Variants in ATP8A2 observed in about 807,000 individuals in gnomAD.
ATP8A2 encodes phospholipid-transporting ATPase IB.
In ATP8A2, 100 loss-of-function variants were observed where a neutral mutation model predicts 165.6. The ratio of observed to expected loss-of-function variants is 0.60; its 90% confidence interval spans 0.51 to 0.71. ATP8A2 has a LOEUF of 0.71. ATP8A2 is among the 30% of genes least tolerant of loss of function. ATP8A2 has a pLI of 0.00. For missense variants in ATP8A2, 1,227 were observed against 1,479.5 expected (o/e 0.83, Z 2.80); for synonymous variants, 543 against 548.8 (o/e 0.99, Z 0.15).
At chr13:25,766,693 T>C (rs770257872) in intron 25 of ATP8A2, among the ~76,000 whole-genome samples, 6 of 152,208 alleles carry the variant, frequency 3.9e-5, no homozygotes, top group Non-Finnish European at 8.8e-5. Context: ...CTGAGAGACA[T>C]TGCTGTATTT....
intron 27 of ATP8A2, among the ~76,000 whole-genome samples, chr13:25,811,244 A>G (rs959568909): frequency 6.6e-6 from 1 of 152,234 alleles, no homozygotes; most frequent in African/African-American, 2.4e-5. Context: ...AATACATAGC[A>G]ATATCAGTGA....
chr13:25,781,224 G>A (rs564373905), intron 27 of ATP8A2, among the ~76,000 whole-genome samples: 2 of 152,030 alleles, frequency 1.3e-5, no homozygotes, highest in Admixed American at 6.5e-5. Context: ...AGCCGAGATC[G>A]TGCCACTGCA....
intron 35 of ATP8A2, among the ~76,000 whole-genome samples, chr13:25,991,896 T>G (rs1238662516): frequency 1.4e-5 from 2 of 144,870 alleles, no homozygotes; most frequent in Non-Finnish European, 3.0e-5. Flanking sequence ...GATGCATATT[T>G]AGTTTTACTT....
chr13:25,396,959 G>A (rs1036834414), intron 1 of ATP8A2, among the ~76,000 whole-genome samples: 5 of 152,194 alleles, frequency 3.3e-5, no homozygotes, highest in Admixed American at 6.5e-5. Context: ...GGCCCATGGC[G>A]GACCAGTCCC....
rs57083418 is a variant in ATP8A2 at position 25,408,100 on chromosome 13, TAA to T, written c.76+35820_76+35821del. On this transcript the variant is annotated intron_variant, in intron 1 of 36. Coordinates refer to ENST00000381655, the MANE Select transcript of ATP8A2 (RefSeq NM_016529.6). ...AAAAAAATATATATATATTTGACAT[TAA>T]AAAAAAATGTGGCTGGGTGCAGTGG... is the stretch of plus-strand genomic sequence containing the variant. 3.5e-3 allele frequency among the ~76,000 whole-genome samples: 532 copies of T among 150,610 alleles called. 3 individuals are homozygous for T. The highest frequency in any genetic ancestry group is 0.012 in the African/African-American group (508 of 41,022).
intron 10 of ATP8A2, among the ~76,000 whole-genome samples, chr13:25,548,354 G>C (rs2038716789): frequency 6.6e-6 from 1 of 152,176 alleles, no homozygotes; most frequent in Admixed American, 6.5e-5. Flanking sequence ...GAAGCTTGAA[G>C]TTTTGGGATT....
chr13:25,576,397 T>C lies in ATP8A2; in HGVS notation c.1713-672T>C, dbSNP rs114217820. Among the ~76,000 whole-genome samples the C allele has an allele frequency of 2.9e-3, 443 of 152,192 alleles. 1 individual carries two copies. The highest frequency in any genetic ancestry group is 0.01 in the African/African-American group (428 of 41,534). ...GGAGAATGGTGAGTCCCGTGTGTGCTCGAAGCCTGGTGGTGGTTCATGGGA... is the reference window on the plus strand; with the variant it reads ...GGAGAATGGTGAGTCCCGTGTGTGCCCGAAGCCTGGTGGTGGTTCATGGGA... On this transcript the variant is annotated intron_variant, in intron 19 of 36. Transcript: ENST00000381655.
intron 33 of ATP8A2, among the ~76,000 whole-genome samples, chr13:25,942,569 C>T (rs900205714): frequency 2.0e-5 from 3 of 152,122 alleles, no homozygotes; most frequent in Non-Finnish European, 2.9e-5. Context: ...ATTACAGGTG[C>T]GTACCACCAC....
At chr13:25,868,283 A>T (rs1316656337) in intron 33 of ATP8A2, 1 of 344,426 alleles carries the variant, frequency 2.9e-6, no homozygotes, top group Non-Finnish European at 5.8e-6. Context: ...AACATTCCAG[A>T]AAACACTGAA....
At chr13:25,838,380 C>G (rs991010758) in intron 29 of ATP8A2, among the ~76,000 whole-genome samples, 9 of 152,180 alleles carry the variant, frequency 5.9e-5, no homozygotes, top group Admixed American at 2.0e-4. Flanking sequence ...CAAAGAGACC[C>G]GAGGGACTCA....
At chr13:25,988,495 T>C (rs1470284183) in intron 35 of ATP8A2, among the ~76,000 whole-genome samples, 1 of 152,092 alleles carries the variant, frequency 6.6e-6, no homozygotes, top group Non-Finnish European at 1.5e-5. Flanking sequence ...CACACATTAC[T>C]TTTTTTCTAT....
At chr13:25,646,451 C>A (rs1181796981) in intron 24 of ATP8A2, among the ~76,000 whole-genome samples, 2 of 151,936 alleles carry the variant, frequency 1.3e-5, no homozygotes, top group African/African-American at 2.4e-5. Flanking sequence ...GTCAGGAGTT[C>A]AAGACGATCC....
chr13:25,807,154 G>GT lies in ATP8A2; in HGVS notation c.2680-20951dup, dbSNP rs55690312. 3.1e-3 allele frequency among the ~76,000 whole-genome samples: 457 copies of GT among 145,954 alleles called. 2 individuals are homozygous for GT. Among genetic ancestry groups the GT allele is most frequent in the African/African-American group, 8.5e-3 (336 of 39,762 alleles). On this transcript the variant is annotated intron_variant, in intron 27 of 36. Coordinates refer to ENST00000381655, the MANE Select transcript of ATP8A2 (RefSeq NM_016529.6). The stretch of plus-strand genomic sequence containing the variant: ...GTTGTCTTTTCACCTTCTTTATAGT[G>GT]TTTTTTTTTTTTTAGCACAAATGTT...
intron 1 of ATP8A2, among the ~76,000 whole-genome samples, chr13:25,405,055 G>T (rs779081870): frequency 1.3e-5 from 2 of 152,190 alleles, no homozygotes; most frequent in African/African-American, 2.4e-5. Flanking sequence ...TTCAAGTCGA[G>T]TGTGCTCAGC....
At chr13:25,525,214 AT>A (rs971931122) in intron 2 of ATP8A2, among the ~76,000 whole-genome samples, 3 of 152,008 alleles carry the variant, frequency 2.0e-5, no homozygotes, top group African/African-American at 7.2e-5. Flanking sequence ...CTACATATTG[AT>A]TTTTTTGTTA....
intron 2 of ATP8A2, among the ~76,000 whole-genome samples, chr13:25,515,161 C>G (rs1277974485): frequency 6.6e-6 from 1 of 152,212 alleles, no homozygotes; most frequent in Admixed American, 6.5e-5. Context: ...TTCCCGCCTT[C>G]AGAGCTACTG....
chr13:25,807,478 A>C (rs189532126), intron 27 of ATP8A2, among the ~76,000 whole-genome samples: 4 of 152,352 alleles, frequency 2.6e-5, no homozygotes, highest in African/African-American at 9.6e-5. Flanking sequence ...TAACTTGTTG[A>C]AAATCAATTG....
intron 1 of ATP8A2, among the ~76,000 whole-genome samples, chr13:25,393,767 T>A (rs113539017): frequency 0.017 from 2,586 of 152,328 alleles, 35 homozygotes; most frequent in Non-Finnish European, 0.025. Flanking sequence ...ATCTTAGGAA[T>A]CTGAGGTTCA....
At chr13:25,526,255 C>A (rs1031255907) in intron 2 of ATP8A2, among the ~76,000 whole-genome samples, 1 of 151,950 alleles carries the variant, frequency 6.6e-6, no homozygotes, top group Non-Finnish European at 1.5e-5. Context: ...ATTTTGAATT[C>A]TTCTTCAGAG....
Sources: gnomAD v4.1 joint callset for allele counts (sites outside exome capture counted in the v4.1 genomes callset) on GRCh38, gnomAD v4.1.1 for gene constraint, MANE v1.5 for transcripts, NCBI Gene and HGNC (gene_info 2026-07-23, HGNC 2026-07-21) for gene names.